SIPA1L1: variants seen among roughly 807,000 people sequenced by gnomAD.
The protein encoded by SIPA1L1 is signal-induced proliferation-associated 1-like protein 1.
In SIPA1L1, 26 loss-of-function variants were observed where a neutral mutation model predicts 162.7. The ratio of observed to expected loss-of-function variants is 0.16; its 90% CI spans 0.12 to 0.22. The LOEUF (loss-of-function observed/expected upper bound fraction) is 0.22, where lower values mean the gene tolerates loss of function less well. SIPA1L1 is among the 10% of genes least tolerant of loss of function. The pLI is 1.00. For missense variants in SIPA1L1, 1,874 were observed against 2,241.0 expected, an observed-to-expected ratio of 0.84 and a Z score of 3.31; for synonymous variants, 829 against 837.4, an observed-to-expected ratio of 0.99 and a Z score of 0.17.
intron 4 of SIPA1L1, among the ~76,000 whole-genome samples, chr14:71,568,686 A>T (rs1412422554): frequency 6.6e-6 from 1 of 152,276 alleles, no homozygotes; most frequent in Non-Finnish European, 1.5e-5. Flanking sequence ...CTCCATAGAC[A>T]GAGAAGCCAA....
chr14:71,414,824 C>T (rs1192475302), intron 2 of SIPA1L1, among the ~76,000 whole-genome samples: 1 of 152,188 alleles, frequency 6.6e-6, no homozygotes, highest in Non-Finnish European at 1.5e-5. Context: ...CTGGTATATG[C>T]ATTACTATTG....
intron 14 of SIPA1L1, among the ~76,000 whole-genome samples, chr14:71,700,755 G>T (rs550585137): frequency 7.0e-4 from 107 of 152,196 alleles, no homozygotes; most frequent in African/African-American, 2.5e-3. Context: ...AGCACTTTGG[G>T]AGGCCGAGGC....
chr14:71,487,756 T>C (rs1334364760), intron 2 of SIPA1L1, among the ~76,000 whole-genome samples: 7 of 152,226 alleles, frequency 4.6e-5, no homozygotes, highest in Non-Finnish European at 7.3e-5. Context: ...TTGAATGAGC[T>C]GGACCTCATG....
chr14:71,709,141 A>G, intron 16 of SIPA1L1, 81 bp from the exon 17 acceptor site: 5 of 1,221,088 alleles, frequency 4.1e-6, no homozygotes, highest in Admixed American at 2.2e-5. Context: ...ATAACTAGAA[A>G]TTAATCACAG....
chr14:71,570,922 A>C (rs72476802), intron 4 of SIPA1L1, among the ~76,000 whole-genome samples: 1 of 152,036 alleles, frequency 6.6e-6, no homozygotes, highest in Non-Finnish European at 1.5e-5. Context: ...TGTAATCCCA[A>C]GTAGCTGGGA....
At chr14:71,463,375 A>G (rs2046754746) in intron 2 of SIPA1L1, among the ~76,000 whole-genome samples, 1 of 152,150 alleles carries the variant, frequency 6.6e-6, no homozygotes, top group Non-Finnish European at 1.5e-5. Context: ...TACCCACTGT[A>G]AGTCGCACCT....
intron 13 of SIPA1L1, among the ~76,000 whole-genome samples, chr14:71,693,233 G>A (rs1566666168): frequency 6.6e-6 from 1 of 152,154 alleles, no homozygotes; most frequent in East Asian, 1.9e-4. Flanking sequence ...GGGGCCAACT[G>A]CTGTGGCTCA....
intron 5 of SIPA1L1, among the ~76,000 whole-genome samples, chr14:71,608,071 A>T (rs1363865526): frequency 6.6e-6 from 1 of 152,212 alleles, no homozygotes; most frequent in Non-Finnish European, 1.5e-5. Context: ...CAGTCTTCTA[A>T]TGGAGCTCCC....
intron 3 of SIPA1L1, among the ~76,000 whole-genome samples, chr14:71,520,786 T>C (rs1175904920): frequency 1.3e-5 from 2 of 152,152 alleles, no homozygotes; most frequent in Non-Finnish European, 2.9e-5. Flanking sequence ...AGGGCCTCAC[T>C]CTGTCACCCA....
chr14:71,393,974 G>A (rs1170501448), intron 2 of SIPA1L1, among the ~76,000 whole-genome samples: 1 of 152,186 alleles, frequency 6.6e-6, no homozygotes, highest in Non-Finnish European at 1.5e-5. Context: ...AGCAATGAGA[G>A]GTAAATTTTC....
intron 2 of SIPA1L1, among the ~76,000 whole-genome samples, chr14:71,376,345 T>A (rs916283771): frequency 1.2e-4 from 18 of 151,954 alleles, no homozygotes; most frequent in African/African-American, 4.1e-4. Flanking sequence ...TCTTATAATC[T>A]TCTTTTTTTT....
intron 6 of SIPA1L1, among the ~76,000 whole-genome samples, chr14:71,620,288 C>T (rs1333828054): frequency 1.3e-5 from 2 of 152,106 alleles, no homozygotes; most frequent in Non-Finnish European, 1.5e-5. Context: ...TGGCTGGTCT[C>T]GAACTCCCGA....
intron 14 of SIPA1L1, among the ~76,000 whole-genome samples, chr14:71,700,820 T>C (rs961643521): frequency 1.3e-5 from 2 of 151,720 alleles, no homozygotes; most frequent in African/African-American, 4.8e-5. Context: ...TGGTGAAACC[T>C]CTTCTCTACT....
intron 19 of SIPA1L1, among the ~76,000 whole-genome samples, chr14:71,725,489 A>G (rs2084150803): frequency 6.6e-6 from 1 of 152,216 alleles, no homozygotes; most frequent in African/African-American, 2.4e-5. Flanking sequence ...TGTCTTCTCT[A>G]AAACCCAGTC....
intron 13 of SIPA1L1, among the ~76,000 whole-genome samples, chr14:71,686,411 G>T (rs2080869303): frequency 1.3e-5 from 2 of 152,144 alleles, no homozygotes; most frequent in African/African-American, 2.4e-5. Context: ...TTTCAAAATG[G>T]GAATAGAAGT....
At chr14:71,685,256 G>A in intron 12 of SIPA1L1, 106 bp from the exon 13 acceptor site, 3 of 1,253,124 alleles carry the variant, frequency 2.4e-6, no homozygotes, top group Middle Eastern at 3.9e-4. Flanking sequence ...GAAACAGAGG[G>A]TGAAATTGTG....
intron 10 of SIPA1L1, among the ~76,000 whole-genome samples, chr14:71,666,586 A>G (rs1175882374): frequency 6.6e-6 from 1 of 152,198 alleles, no homozygotes; most frequent in African/African-American, 2.4e-5. Context: ...TTCAAAACAA[A>G]TATTAAACTG....
At chr14:71,384,571 T>A (rs909645331) in intron 2 of SIPA1L1, among the ~76,000 whole-genome samples, 1 of 152,212 alleles carries the variant, frequency 6.6e-6, no homozygotes, top group Admixed American at 6.5e-5. Flanking sequence ...TTGATTTGTT[T>A]GTAGTCAGCC....
chr14:71,360,944 G>A (rs912029957), intron 2 of SIPA1L1, among the ~76,000 whole-genome samples: 12 of 152,086 alleles, frequency 7.9e-5, no homozygotes, highest in Non-Finnish European at 1.3e-4. Flanking sequence ...CATATTTTGT[G>A]TCTTTTTCCT....
Sources: allele counts gnomAD v4.1 joint callset (sites outside exome capture counted in the v4.1 genomes callset), GRCh38; gene constraint gnomAD v4.1.1; transcripts MANE v1.5; gene names NCBI Gene and HGNC (gene_info 2026-07-23, HGNC 2026-07-21).